Variants in PKD1L1 observed in about 807,000 individuals in gnomAD.
The protein encoded by PKD1L1 is polycystin-1-like protein 1.
PKD1L1 carries 236 observed loss-of-function variants against 323.4 expected under a neutral mutation model. The observed-to-expected ratio is 0.73, with a 90% CI of 0.66 to 0.81. The LOEUF (loss-of-function observed/expected upper bound fraction) is 0.81, where lower values mean the gene tolerates loss of function less well. PKD1L1 is among the 40% of genes least tolerant of loss of function. The pLI, the probability that PKD1L1 is intolerant of heterozygous loss-of-function variation, is 0.00. For synonymous variants in PKD1L1, 1,344 were observed against 1,335.0 expected (o/e 1.01, Z -0.15); for missense variants, 3,320 against 3,508.0 (o/e 0.95, Z 1.35).
chr7:47,846,979 G>C lies in PKD1L1; in HGVS notation c.5053C>G (p.His1685Asp), dbSNP rs747708653. Residue 1685 changes from histidine to aspartate, a missense_variant, in exon 32 of 57, where the codon CAT becomes GAT. His to Asp is a moderately conservative substitution (Grantham distance 81). Transcript: ENST00000289672. ...AACAGGCATCGGATCCACTGGAAAT[G>C]TACTGTATAGTTCACTGCCTTAGCT... ...YLAKAVNYTV[H>D]FQWIRCLFWD... 9.9e-6 allele frequency: 16 copies of C among 1,613,962 alleles called. No homozygotes were observed. The South Asian group carries it at 1.3e-4, about 13-fold the overall frequency.
chr7:47,798,844 C>T (rs1297198537), intron 54 of PKD1L1, among the ~76,000 whole-genome samples: 1 of 151,626 alleles, frequency 6.6e-6, no homozygotes, highest in African/African-American at 2.4e-5. Context: ...TTGGGTTTGG[C>T]AATTCATTTG....
At chr7:47,847,524 C>T (rs1785691346) in intron 31 of PKD1L1, among the ~76,000 whole-genome samples, 1 of 152,286 alleles carries the variant, frequency 6.6e-6, no homozygotes, top group African/African-American at 2.4e-5. Context: ...AAGGACAGCA[C>T]AATGACCCAT....
intron 46 of PKD1L1, among the ~76,000 whole-genome samples, chr7:47,820,451 G>A (rs886136054): frequency 4.6e-5 from 7 of 152,294 alleles, no homozygotes; most frequent in African/African-American, 7.2e-5. Context: ...AAGGCCGGGC[G>A]TAGTGGCGCA....
chr7:47,871,800 C>T lies in PKD1L1; in HGVS notation c.3896+2099G>A, dbSNP rs560748042. On this transcript the variant is annotated intron_variant, in intron 24 of 56. Coordinates refer to ENST00000289672, the MANE Select transcript of PKD1L1 (RefSeq NM_138295.5). ...CAATCTGATAACGGTTGTCTGTGAA[C>T]GACCTCTAGCTAATATTAATATGAA... Among the ~76,000 whole-genome samples, 8 of 152,252 alleles carry T rather than the reference C, an allele frequency of 5.3e-5. No homozygotes were observed. The East Asian group carries it at 1.4e-3, about 26-fold the overall frequency.
chr7:47,803,369 A>C (rs1784708717), intron 52 of PKD1L1, 25 bp from the exon 53 acceptor site: 2 of 1,612,286 alleles, frequency 1.2e-6, no homozygotes, highest in Admixed American at 3.3e-5. Context: ...CATAACAGTC[A>C]GTGTGCCATG....
chr7:47,798,871 G>A (rs12702387), intron 54 of PKD1L1, among the ~76,000 whole-genome samples: 107,214 of 151,472 alleles, frequency 0.71, 38,191 homozygotes, highest in Non-Finnish European at 0.75. Context: ...GACACCAACA[G>A]CAAAATCCAT....
At chr7:47,793,543 C>T (rs1215257095) in intron 55 of PKD1L1, among the ~76,000 whole-genome samples, 4 of 152,178 alleles carry the variant, frequency 2.6e-5, no homozygotes, top group African/African-American at 9.7e-5. Flanking sequence ...GAGGCCTCCC[C>T]AGCCATGTGG....
Position 47,854,797 on chromosome 7 carries a change from T to A in PKD1L1, c.4859+85A>T. 5 of 1,466,580 alleles carry A rather than the reference T, an allele frequency of 3.4e-6. No individual in the cohort carries two copies. The South Asian group carries it at 3.7e-5, about 11-fold the overall frequency. 90.8% of individuals were successfully genotyped at this position (1,466,580 alleles called of 1,614,324 possible). A position where few individuals can be genotyped will look rare whatever the true frequency, so the allele number is the denominator to read the frequency against. ...TCATTATTGCTTTAAAAACACAATTTAATTCACTGATTTTTTGTCACAAAA... is the reference window on the plus strand; with the variant it reads ...TCATTATTGCTTTAAAAACACAATTAAATTCACTGATTTTTTGTCACAAAA... On this transcript the variant is annotated intron_variant, in intron 30 of 56. Transcript: ENST00000289672.
chr7:47,806,175 C>A (rs141737291), intron 52 of PKD1L1, among the ~76,000 whole-genome samples: 14 of 152,334 alleles, frequency 9.2e-5, no homozygotes, highest in Non-Finnish European at 2.1e-4. Flanking sequence ...AGACCAGATT[C>A]ATGTTTGCCC....
chr7:47,927,463 A>C (rs1187599133), intron 7 of PKD1L1, among the ~76,000 whole-genome samples: 1 of 152,056 alleles, frequency 6.6e-6, no homozygotes, highest in Non-Finnish European at 1.5e-5. Context: ...ATGGGGTTTC[A>C]CTATGTTGGT....
rs200582001 is a variant in PKD1L1, at chr7:47,776,521, C to T, written c.8527-1355G>A. Among the ~76,000 whole-genome samples, 17 of 152,326 alleles carry T rather than the reference C, an allele frequency of 1.1e-4. No individual in the cohort carries two copies. In the East Asian group the frequency reaches 1.7e-3, roughly 16 times the overall value. ...CATGGCCCCAAGCCTAGCGCATCTC[C>T]ACACCTGTTTGCTCATTTGCTTTTA... On this transcript the variant is annotated intron_variant, in intron 56 of 56. Coordinates refer to ENST00000289672, the MANE Select transcript of PKD1L1 (RefSeq NM_138295.5).
rs532938278 is a variant in PKD1L1, at chr7:47,775,486, G to A, written c.8527-320C>T. The stretch of plus-strand genomic sequence containing the variant: ...AGAAATCAGCTACATAAGGACATCA[G>A]GAAAATCTCAAAATACATACAAACT... On this transcript the variant is annotated intron_variant, in intron 56 of 56. Transcript: ENST00000289672. Among the ~76,000 whole-genome samples, 14 of 152,146 alleles carry A rather than the reference G, an allele frequency of 9.2e-5. No homozygotes were observed. The East Asian group carries it at 2.7e-3, about 29-fold the overall frequency.
intron 12 of PKD1L1, among the ~76,000 whole-genome samples, chr7:47,904,169 TAC>T (rs896924675): frequency 6.6e-6 from 1 of 152,182 alleles, no homozygotes; most frequent in Non-Finnish European, 1.5e-5. Context: ...ACAGCCCCTG[TAC>T]TGAAAGCATC....
At chr7:47,897,920 T>C in intron 14 of PKD1L1, 68 bp downstream of exon 14, 1 of 1,305,472 alleles carries the variant, frequency 7.7e-7, no homozygotes, top group Non-Finnish European at 1.0e-6. Flanking sequence ...AATGCTGAGC[T>C]CTTGCTCCAG....
chr7:47,945,376 T>C (rs1486865042), intron 1 of PKD1L1, among the ~76,000 whole-genome samples: 2 of 152,204 alleles, frequency 1.3e-5, no homozygotes, highest in Admixed American at 1.3e-4. Context: ...GCCTGGTTCT[T>C]GATGCCCAAG....
At chr7:47,883,524 C>G (rs1006545435) in intron 19 of PKD1L1, among the ~76,000 whole-genome samples, 2 of 152,236 alleles carry the variant, frequency 1.3e-5, no homozygotes, top group South Asian at 2.1e-4. Context: ...TCCTGACCTC[C>G]CTGCAGCTTC....
intron 7 of PKD1L1, among the ~76,000 whole-genome samples, chr7:47,918,771 T>C (rs893697646): frequency 1.3e-5 from 2 of 152,176 alleles, no homozygotes; most frequent in South Asian, 2.1e-4. Flanking sequence ...GAGTGATCAC[T>C]GGGTCAAAAA....
At chr7:47,853,396 T>C (rs1785824503) in intron 30 of PKD1L1, among the ~76,000 whole-genome samples, 169 bp from the exon 31 acceptor site, 1 of 152,176 alleles carries the variant, frequency 6.6e-6, no homozygotes, top group African/African-American at 2.4e-5. Context: ...CAACACCACC[T>C]GGTCTCTTAG....
intron 33 of PKD1L1, among the ~76,000 whole-genome samples, chr7:47,843,979 C>T (rs78444168): frequency 0.014 from 2,110 of 152,172 alleles, 50 homozygotes; most frequent in African/African-American, 0.046. Context: ...CTCTGCCCCA[C>T]GAGCTCTGCA....
Sources: gnomAD v4.1 joint callset for allele counts (sites outside exome capture counted in the v4.1 genomes callset) on GRCh38, gnomAD v4.1.1 for gene constraint, MANE v1.5 for transcripts, NCBI Gene and HGNC (gene_info 2026-07-23, HGNC 2026-07-21) for gene names.